PARM1: variants seen among roughly 807,000 people sequenced by gnomAD.
PARM1 encodes WSC4, cell wall integrity and stress response component 4 homolog.
Under a neutral mutation model 24.6 loss-of-function variants are expected in PARM1, and 14 were observed. That is an observed-to-expected ratio of 0.57 (90% CI 0.38 to 0.89). The LOEUF (loss-of-function observed/expected upper bound fraction) is 0.89, where lower values mean the gene tolerates loss of function less well. Ranked by LOEUF, PARM1 falls within the 40% of genes least tolerant of loss-of-function variation. The pLI is 0.00. For missense variants in PARM1, 362 were observed against 380.4 expected, an observed-to-expected ratio of 0.95 and a Z score of 0.40; for synonymous variants, 179 against 156.6, an observed-to-expected ratio of 1.14 and a Z score of -1.07.
chr4:74,989,582 G>A (rs1448218772), intron 1 of PARM1, among the ~76,000 whole-genome samples: 1 of 152,148 alleles, frequency 6.6e-6, no homozygotes, highest in Non-Finnish European at 1.5e-5. Flanking sequence ...TTCCTTTTGA[G>A]TTTTTATGGA....
chr4:75,031,757 T>C (rs1460929179), intron 2 of PARM1, among the ~76,000 whole-genome samples: 1 of 152,240 alleles, frequency 6.6e-6, no homozygotes, highest in Non-Finnish European at 1.5e-5. Context: ...ATTCTTTTCT[T>C]CCATTTTTTA....
chr4:74,981,879 C>CAA (rs1159910773), intron 1 of PARM1, among the ~76,000 whole-genome samples: 102 of 55,610 alleles, frequency 1.8e-3, no homozygotes, highest in African/African-American at 5.7e-3. Flanking sequence ...ACTCAATCTC[C>CAA]AAAAAAAAAA....
rs1722907187 is a variant in PARM1 at position 75,012,937 on chromosome 4, C to A, written c.556C>A (p.Pro186Thr). 6.2e-7 allele frequency: 1 copy of A among 1,613,986 alleles called. No individual in the cohort carries two copies. Among genetic ancestry groups the A allele is most frequent in the Non-Finnish European group, 8.5e-7 (1 of 1,179,866 alleles). ...TAGCTCCACTGTGACCAGCACCCAA[C>A]CCACTGGAGCTCCAACTGCACCAGA... ...NHSSTVTSTQ[P>T]TGAPTAPESP... The change falls in exon 2 of 4, where the codon CCC (proline) becomes ACC (threonine). Residue 186 changes from proline to threonine, a missense_variant. By Grantham distance (38) the Pro-to-Thr change is conservative. Transcript: ENST00000307428.
chr4:74,950,742 T>G (rs912795041), intron 1 of PARM1, among the ~76,000 whole-genome samples: 1 of 152,232 alleles, frequency 6.6e-6, no homozygotes, highest in Non-Finnish European at 1.5e-5. Flanking sequence ...ACATCAAGTT[T>G]TTTTTATTTG....
chr4:74,965,939 GA>G (rs1336946541), intron 1 of PARM1, among the ~76,000 whole-genome samples: 1 of 152,190 alleles, frequency 6.6e-6, no homozygotes, highest in African/African-American at 2.4e-5. Flanking sequence ...AAAAACTGGT[GA>G]AATTCAAATA....
At chr4:74,949,611 C>G (rs1379446836) in intron 1 of PARM1, among the ~76,000 whole-genome samples, 1 of 152,204 alleles carries the variant, frequency 6.6e-6, no homozygotes, top group Non-Finnish European at 1.5e-5. Context: ...TGCGCCCAGC[C>G]TATAGGTCAG....
At chr4:74,986,585 G>T (rs1722359420) in intron 1 of PARM1, among the ~76,000 whole-genome samples, 1 of 152,168 alleles carries the variant, frequency 6.6e-6, no homozygotes, top group Non-Finnish European at 1.5e-5. Flanking sequence ...AGAAGAGGTT[G>T]CTGAAAACAG....
intron 1 of PARM1, among the ~76,000 whole-genome samples, chr4:74,940,415 A>G (rs1721280895): frequency 6.6e-6 from 1 of 152,230 alleles, no homozygotes; most frequent in Non-Finnish European, 1.5e-5. Flanking sequence ...GGGAAGTCCA[A>G]GATCAGGGCA....
At chr4:74,950,910 A>C (rs1721509883) in intron 1 of PARM1, among the ~76,000 whole-genome samples, 1 of 151,872 alleles carries the variant, frequency 6.6e-6, no homozygotes, top group Admixed American at 6.6e-5. Context: ...AGCACCCTGC[A>C]GGCACTGTGA....
chr4:74,950,560 G>A (rs1042737993), intron 1 of PARM1, among the ~76,000 whole-genome samples: 22 of 152,132 alleles, frequency 1.4e-4, no homozygotes, highest in African/African-American at 5.3e-4. Context: ...ACATTCACAC[G>A]TACTAGAGGT....
chr4:75,024,069 A>G (rs1170854768), intron 2 of PARM1, among the ~76,000 whole-genome samples: 1 of 152,126 alleles, frequency 6.6e-6, no homozygotes, highest in Admixed American at 6.5e-5. Flanking sequence ...CAGGAGATCA[A>G]GACCATCCTG....
intron 1 of PARM1, among the ~76,000 whole-genome samples, chr4:74,962,926 CAT>C (rs1452786891): frequency 6.6e-6 from 1 of 152,228 alleles, no homozygotes. Flanking sequence ...GTAATCCCCA[CAT>C]GTCAAGGCTG....
chr4:75,000,381 G>T (rs1161106060), intron 1 of PARM1, among the ~76,000 whole-genome samples: 1 of 152,170 alleles, frequency 6.6e-6, no homozygotes, highest in Non-Finnish European at 1.5e-5. Flanking sequence ...TTAACAGGAA[G>T]TCTGGAGATA....
At chr4:75,038,445 A>G (rs1373648955) in intron 3 of PARM1, among the ~76,000 whole-genome samples, 1 of 152,200 alleles carries the variant, frequency 6.6e-6, no homozygotes, top group Admixed American at 6.5e-5. Context: ...ACCAACACAT[A>G]GGCTGTGAGG....
Position 74,996,573 on chromosome 4 carries a change from C to T in PARM1, c.44-15852C>T, listed in dbSNP as rs115683323. On this transcript the variant is annotated intron_variant, in intron 1 of 3. Transcript: ENST00000307428. ...TGTCATCCAAGAAGAAATGAATGCC[C>T]TGTGTGCAGCTGGAATGATGGGAGC... 6.8e-3 allele frequency among the ~76,000 whole-genome samples: 1,030 copies of T among 152,166 alleles called. 11 individuals are homozygous for T. Among genetic ancestry groups the T allele is most frequent in the African/African-American group, 0.023 (972 of 41,512 alleles).
intron 1 of PARM1, among the ~76,000 whole-genome samples, chr4:74,995,956 C>A (rs886307405): frequency 6.6e-6 from 1 of 152,120 alleles, no homozygotes; most frequent in Non-Finnish European, 1.5e-5. Flanking sequence ...TGTCTCTCAT[C>A]CCTCTCCATT....
At position 75,049,922 on chromosome 4, in the gene PARM1, T is replaced by C. The variant is rs1199376539; in HGVS notation, c.*3675T>C. On this transcript the variant is annotated 3_prime_UTR_variant, in exon 4 of 4. Transcript: ENST00000307428. ...ATTTCAACTTTGATTTTAATAGTGC[T>C]AGTTGATATTGGTAATAATGCTAAC... is the stretch of plus-strand genomic sequence containing the variant. 6.6e-6 allele frequency: 1 copy of C among 151,124 alleles called. No individual in the cohort carries two copies. Among genetic ancestry groups the C allele is most frequent in the Non-Finnish European group, 1.5e-5 (1 of 67,880 alleles). The allele number at this position is 151,124 out of a possible 1,614,324, so 9.4% of individuals were successfully genotyped here. A position where few individuals can be genotyped will look rare whatever the true frequency, so the allele number is the denominator to read the frequency against.
Position 75,046,450 on chromosome 4 carries a change from G to A in PARM1, c.*203G>A, listed in dbSNP as rs1723605439. On this transcript the variant is annotated 3_prime_UTR_variant, in exon 4 of 4. Transcript: ENST00000307428. Reference sequence around the variant, plus strand: ...AAGAAGAACCATTCTTTAAAGGTGAGTGGAGGCTGATTTGCAGCTGAAGTG... The same window carrying A: ...AAGAAGAACCATTCTTTAAAGGTGAATGGAGGCTGATTTGCAGCTGAAGTG... The A allele has an allele frequency of 2.1e-6, 1 of 472,984 alleles. No homozygotes were observed. The highest frequency in any genetic ancestry group is 2.0e-5 in the African/African-American group (1 of 50,708). The allele number at this position is 472,984 out of a possible 1,614,324, so 29.3% of individuals were successfully genotyped here.
At chr4:74,944,188 T>C (rs1377746470) in intron 1 of PARM1, among the ~76,000 whole-genome samples, 1 of 152,194 alleles carries the variant, frequency 6.6e-6, no homozygotes, top group Non-Finnish European at 1.5e-5. Context: ...AATAATAATG[T>C]TTAATTATTT....
Sources: allele counts gnomAD v4.1 joint callset (sites outside exome capture counted in the v4.1 genomes callset), GRCh38; gene constraint gnomAD v4.1.1; transcripts MANE v1.5; gene names NCBI Gene and HGNC (gene_info 2026-07-23, HGNC 2026-07-21).